The following ANKFN1 variants were observed in gnomAD, a reference collection of about 807,000 sequenced individuals.
ANKFN1 encodes ankyrin repeat and fibronectin type-III domain-containing protein 1.
A neutral mutation model predicts 108.7 loss-of-function variants in ANKFN1; 74 were observed. The observed-to-expected ratio is 0.68, with a 90% CI of 0.56 to 0.83. The LOEUF is 0.83. Ranked by LOEUF, ANKFN1 falls within the 40% of genes least tolerant of loss-of-function variation. The pLI is 0.00. For missense variants in ANKFN1, 1,505 were observed against 1,382.3 expected (o/e 1.09, Z -1.41); for synonymous variants, 547 against 516.2 (o/e 1.06, Z -0.81).
rs368070619 is a variant in ANKFN1 at position 56,141,371 on chromosome 17, G to A, written c.289-86546G>A. ...GTAGTTGAAGATTGGGGCAGCTGGC[G>A]ATTTCCCCTCCATTTTCTATCTTTG... is the stretch of plus-strand genomic sequence containing the variant. On this transcript the variant is annotated intron_variant, in intron 4 of 12. Coordinates refer to the ANKFN1 transcript ENST00000635860. 3.9e-5 allele frequency among the ~76,000 whole-genome samples: 6 copies of A among 152,232 alleles called. No homozygotes were observed. The East Asian group carries it at 5.8e-4, about 15-fold the overall frequency.
chr17:56,490,957 A>G (rs2051017334), intron 18 of ANKFN1, among the ~76,000 whole-genome samples: 1 of 152,154 alleles, frequency 6.6e-6, no homozygotes, highest in Non-Finnish European at 1.5e-5. Flanking sequence ...AGGAAGTAGT[A>G]GCCAGTGGTA....
chr17:56,501,954 GA>G lies in ANKFN1; in HGVS notation c.2644+2858del, dbSNP rs553854406. Among the ~76,000 whole-genome samples, 440 of 152,244 alleles carry G rather than the reference GA, an allele frequency of 2.9e-3. 1 individual carries two copies. Among genetic ancestry groups the G allele is most frequent in the African/African-American group, 0.01 (420 of 41,540 alleles). On this transcript the variant is annotated intron_variant, in intron 20 of 20. Transcript: ENST00000682825. ...TTTTGAAAAGAAAGAAATAGAAACTGAACAGAAGCTAATCAGGGATTAAATG... is the reference window on the plus strand; with the variant it reads ...TTTTGAAAAGAAAGAAATAGAAACTGACAGAAGCTAATCAGGGATTAAATG...
chr17:56,275,582 T>G (rs1186004569), intron 3 of ANKFN1, among the ~76,000 whole-genome samples: 1 of 151,804 alleles, frequency 6.6e-6, no homozygotes, highest in East Asian at 1.9e-4. Context: ...ATTAAGGAGG[T>G]GTCAAATACA....
At chr17:56,372,541 T>G in intron 6 of ANKFN1, 105 bp from the exon 7 acceptor site, 1 of 176,662 alleles carries the variant, frequency 5.7e-6, no homozygotes, top group Non-Finnish European at 7.1e-6. Context: ...TCCCAGGCAT[T>G]TTTTTTTTTT....
chr17:56,084,298 C>T (rs1410677688), intron 4 of ANKFN1, among the ~76,000 whole-genome samples: 1 of 150,820 alleles, frequency 6.6e-6, no homozygotes, highest in Non-Finnish European at 1.5e-5. Flanking sequence ...GATGTTGTCA[C>T]GGCAACCAAG....
At chr17:56,129,784 C>A (rs1390417902) in intron 4 of ANKFN1, among the ~76,000 whole-genome samples, 1 of 152,148 alleles carries the variant, frequency 6.6e-6, no homozygotes, top group African/African-American at 2.4e-5. Context: ...AGCCTTAGAC[C>A]AGCACAATGT....
chr17:56,137,015 A>G (rs1193137608), intron 4 of ANKFN1, among the ~76,000 whole-genome samples: 1 of 152,300 alleles, frequency 6.6e-6, no homozygotes, highest in East Asian at 1.9e-4. Flanking sequence ...AAATAAGACC[A>G]TTTATTCAAG....
chr17:56,388,124 C>CT (rs920540581), intron 8 of ANKFN1, among the ~76,000 whole-genome samples: 12 of 151,742 alleles, frequency 7.9e-5, no homozygotes, highest in Admixed American at 2.0e-4. Flanking sequence ...CTATTTCTTT[C>CT]TTTTTTTCTT....
At chr17:56,091,424 A>T (rs921760487) in intron 4 of ANKFN1, among the ~76,000 whole-genome samples, 13 of 125,356 alleles carry the variant, frequency 1.0e-4, no homozygotes, top group African/African-American at 3.8e-4. Flanking sequence ...CAAATCACAC[A>T]CACACACACA....
At chr17:56,486,739 G>A (rs1410716459) in intron 18 of ANKFN1, among the ~76,000 whole-genome samples, 1 of 152,174 alleles carries the variant, frequency 6.6e-6, no homozygotes, top group Non-Finnish European at 1.5e-5. Context: ...TGGAAATTCA[G>A]TCAGAACTCA....
chr17:56,379,838 G>A (rs1332125282), intron 8 of ANKFN1, among the ~76,000 whole-genome samples: 2 of 152,216 alleles, frequency 1.3e-5, no homozygotes, highest in African/African-American at 2.4e-5. Context: ...AGAAGGGACT[G>A]TTTGTGGATT....
intron 3 of ANKFN1, among the ~76,000 whole-genome samples, chr17:56,256,443 G>T (rs1021705789): frequency 2.0e-5 from 3 of 152,086 alleles, no homozygotes; most frequent in Non-Finnish European, 4.4e-5. Flanking sequence ...CTTTTTCATG[G>T]TGGAGAATTA....
intron 8 of ANKFN1, among the ~76,000 whole-genome samples, chr17:56,428,999 A>G (rs1567994602): frequency 6.6e-6 from 1 of 152,206 alleles, no homozygotes; most frequent in Non-Finnish European, 1.5e-5. Flanking sequence ...AGTTAGGTGC[A>G]GAGTCTGCAC....
intron 8 of ANKFN1, among the ~76,000 whole-genome samples, chr17:56,408,186 C>T (rs1235571004): frequency 6.6e-6 from 1 of 152,074 alleles, no homozygotes; most frequent in African/African-American, 2.4e-5. Context: ...CTGCCCACCT[C>T]GGCCTCCCAA....
intron 2 of ANKFN1, among the ~76,000 whole-genome samples, chr17:56,220,866 GGA>G: frequency 1.5e-4 from 10 of 67,028 alleles, no homozygotes; most frequent in African/African-American, 1.1e-3. Context: ...AAGGAAGGAA[GGA>G]AGGGAGGGAG....
At chr17:56,117,363 G>A (rs969405762) in intron 4 of ANKFN1, among the ~76,000 whole-genome samples, 1 of 152,268 alleles carries the variant, frequency 6.6e-6, no homozygotes. Flanking sequence ...CTTATCTAAT[G>A]GATGAAAAAT....
upstream of ANKFN1, chr17:56,153,419 T>C: frequency 2.6e-6 from 4 of 1,528,310 alleles, no homozygotes; most frequent in Non-Finnish European, 3.6e-6. Context: ...CAGGGTTCCC[T>C]TGGCAACGGG....
chr17:56,406,158 G>C (rs557903038), intron 8 of ANKFN1, among the ~76,000 whole-genome samples: 1 of 152,262 alleles, frequency 6.6e-6, no homozygotes, highest in South Asian at 2.1e-4. Context: ...TTAAAATCAC[G>C]TAAGGGCAGT....
intron 1 of ANKFN1, among the ~76,000 whole-genome samples, chr17:56,196,766 A>G (rs1913554168): frequency 6.6e-6 from 1 of 152,118 alleles, no homozygotes. Context: ...AAATCCTGAG[A>G]AGGAAGATTC....
Sources: allele counts gnomAD v4.1 joint callset (sites outside exome capture counted in the v4.1 genomes callset), GRCh38; gene constraint gnomAD v4.1.1; transcripts MANE v1.5; gene names NCBI Gene and HGNC (gene_info 2026-07-23, HGNC 2026-07-21).